TNR: variants seen among roughly 807,000 people sequenced by gnomAD.
TNR encodes the protein tenascin-R.
A neutral mutation model predicts 150.4 loss-of-function variants in TNR; 45 were observed. The observed-to-expected ratio is 0.30, with a 90% CI of 0.24 to 0.38. The LOEUF (loss-of-function observed/expected upper bound fraction) is 0.38, where lower values mean the gene tolerates loss of function less well. Among genes scored for constraint, TNR ranks in the 10% least tolerant of loss-of-function variants. TNR has a pLI of 1.00. For synonymous variants in TNR, 687 were observed against 678.4 expected (o/e 1.01, Z -0.20); for missense variants, 1,544 against 1,759.1 (o/e 0.88, Z 2.19).
At chr1:175,471,854 G>A (rs558429869) in intron 2 of TNR, among the ~76,000 whole-genome samples, 2 of 151,980 alleles carry the variant, frequency 1.3e-5, no homozygotes, top group South Asian at 2.1e-4. Flanking sequence ...TTGCAATAAC[G>A]TAACTTAAAA....
chr1:175,467,409 A>G (rs1657081361), intron 2 of TNR, among the ~76,000 whole-genome samples: 1 of 152,228 alleles, frequency 6.6e-6, no homozygotes, highest in African/African-American at 2.4e-5. Context: ...GCACAATGAA[A>G]CAATGAACTT....
At chr1:175,648,257 C>G (rs900551173) in intron 1 of TNR, among the ~76,000 whole-genome samples, 5 of 152,092 alleles carry the variant, frequency 3.3e-5, no homozygotes. Flanking sequence ...ACCTGCCAAG[C>G]TTTTTATCTA....
chr1:175,715,462 C>T (rs1667131244), intron 1 of TNR, among the ~76,000 whole-genome samples: 1 of 152,148 alleles, frequency 6.6e-6, no homozygotes, highest in Non-Finnish European at 1.5e-5. Context: ...CTCTTTCATC[C>T]ATGATGAAGC....
chr1:175,540,264 C>G (rs1467942586), intron 1 of TNR, among the ~76,000 whole-genome samples: 2 of 152,178 alleles, frequency 1.3e-5, no homozygotes, highest in Non-Finnish European at 2.9e-5. Context: ...AAATCTCAGG[C>G]AGAGATTCAC....
chr1:175,501,617 C>T (rs982566926), intron 2 of TNR, among the ~76,000 whole-genome samples: 1 of 152,204 alleles, frequency 6.6e-6, no homozygotes, highest in African/African-American at 2.4e-5. Context: ...TAATTTGTCA[C>T]ACAGCAGTAG....
intron 2 of TNR, among the ~76,000 whole-genome samples, chr1:175,422,763 C>T (rs1428424564): frequency 6.6e-6 from 1 of 152,224 alleles, no homozygotes; most frequent in Non-Finnish European, 1.5e-5. Context: ...TTGTCTTTCC[C>T]TGCCACATGT....
intron 1 of TNR, among the ~76,000 whole-genome samples, chr1:175,622,981 G>C (rs1195264253): frequency 6.6e-6 from 1 of 152,142 alleles, no homozygotes; most frequent in Admixed American, 6.5e-5. Context: ...CCCTACTCCA[G>C]TATGACCCCA....
chr1:175,325,027 T>C (rs536047383), intron 21 of TNR, among the ~76,000 whole-genome samples: 77 of 152,268 alleles, frequency 5.1e-4, no homozygotes, highest in Non-Finnish European at 8.5e-4. Context: ...CAAATTAGAA[T>C]TCCCATCCGT....
At chr1:175,367,173 A>G in intron 10 of TNR, 35 bp downstream of exon 10, 2 of 1,605,354 alleles carry the variant, frequency 1.2e-6, no homozygotes, top group South Asian at 1.1e-5. Context: ...TTATAGGCTA[A>G]CCTGGTCTTC....
At chr1:175,667,051 C>T (rs180679660) in intron 1 of TNR, among the ~76,000 whole-genome samples, 106 of 152,310 alleles carry the variant, frequency 7.0e-4, no homozygotes, top group African/African-American at 2.6e-3. Flanking sequence ...CCATACCCAG[C>T]CACTCCCCTC....
chr1:175,469,468 G>C (rs538886895), intron 2 of TNR, among the ~76,000 whole-genome samples: 1 of 152,216 alleles, frequency 6.6e-6, no homozygotes, highest in Admixed American at 6.5e-5. Context: ...GAGAACAAGA[G>C]AGTTTTGAAC....
rs1010931110 is a variant in TNR, at chr1:175,403,076, G to A, written c.976+64C>T. ...ACTCATCTTTCTTCCCAAGCTAACT[G>A]GAGGCATCCAGCTAGTTTGCTGGAC... is the stretch of plus-strand genomic sequence containing the variant. On this transcript the variant is annotated intron_variant, in intron 4 of 22. Transcript: ENST00000367674. 171 of 1,355,236 alleles carry A rather than the reference G, an allele frequency of 1.3e-4. 1 individual carries two copies. In the Admixed American group the frequency reaches 3.1e-3, roughly 25 times the overall value. 84.0% of individuals were successfully genotyped at this position (1,355,236 alleles called of 1,614,324 possible). A position where few individuals can be genotyped will look rare whatever the true frequency, so the allele number is the denominator to read the frequency against.
chr1:175,442,549 T>G (rs1031435506), intron 2 of TNR, among the ~76,000 whole-genome samples: 5 of 151,706 alleles, frequency 3.3e-5, no homozygotes, highest in Admixed American at 2.0e-4. Context: ...AAACAGAGAT[T>G]GCATTTGGAA....
intron 2 of TNR, among the ~76,000 whole-genome samples, chr1:175,458,689 G>C (rs570885803): frequency 1.3e-5 from 2 of 152,266 alleles, no homozygotes; most frequent in African/African-American, 4.8e-5. Flanking sequence ...CCTCTATTTT[G>C]TGATACACAA....
chr1:175,628,298 C>A (rs1050788129), intron 1 of TNR, among the ~76,000 whole-genome samples: 1 of 152,048 alleles, frequency 6.6e-6, no homozygotes, highest in Admixed American at 6.6e-5. Flanking sequence ...GTTCCTAGAG[C>A]CTTTTTAGGA....
chr1:175,356,505 C>A (rs768208221), intron 15 of TNR, 43 bp from the exon 16 acceptor site: 2 of 1,609,232 alleles, frequency 1.2e-6, no homozygotes, highest in Admixed American at 3.4e-5. Context: ...TAAGGCTACT[C>A]AGTTTAGGAA....
intron 2 of TNR, among the ~76,000 whole-genome samples, chr1:175,485,619 C>T (rs1012776428): frequency 4.6e-5 from 7 of 152,222 alleles, no homozygotes; most frequent in Admixed American, 4.6e-4. Context: ...GCTTTTCCTG[C>T]CACACATGCT....
chr1:175,729,915 G>C (rs1268703260), intron 1 of TNR, among the ~76,000 whole-genome samples: 1 of 152,150 alleles, frequency 6.6e-6, no homozygotes, highest in Non-Finnish European at 1.5e-5. Context: ...TAATATAAAA[G>C]AGCATCTCAA....
chr1:175,557,599 A>G (rs947287187), intron 1 of TNR, among the ~76,000 whole-genome samples: 12 of 151,970 alleles, frequency 7.9e-5, no homozygotes, highest in Non-Finnish European at 1.8e-4. Flanking sequence ...TTAGAATGGC[A>G]ATCATTAAAA....
Sources: allele counts gnomAD v4.1 joint callset (sites outside exome capture counted in the v4.1 genomes callset), GRCh38; gene constraint gnomAD v4.1.1; transcripts MANE v1.5; gene names NCBI Gene and HGNC (gene_info 2026-07-23, HGNC 2026-07-21).